RBFOX1: variants seen among roughly 807,000 people sequenced by gnomAD.
RBFOX1 encodes RNA binding fox-1 homolog 1.
Under a neutral mutation model 57.7 loss-of-function variants are expected in RBFOX1, and 8 were observed. That is an observed-to-expected ratio of 0.14 (90% confidence interval 0.08 to 0.25). RBFOX1 has a LOEUF of 0.25. Ranked by LOEUF, RBFOX1 falls within the 10% of genes least tolerant of loss-of-function variation. The pLI is 1.00. For synonymous variants in RBFOX1, 326 were observed against 222.4 expected (o/e 1.47, Z -4.15); for missense variants, 611 against 548.5 (o/e 1.11, Z -1.14).
chr16:5,455,280 C>T (rs1275499703), intron 1 of RBFOX1, among the ~76,000 whole-genome samples: 8 of 151,964 alleles, frequency 5.3e-5, no homozygotes, highest in African/African-American at 1.9e-4. Flanking sequence ...AACACAGTGG[C>T]ATGTTTCCAA....
chr16:7,322,768 T>C (rs2096562368), intron 4 of RBFOX1, among the ~76,000 whole-genome samples: 1 of 152,078 alleles, frequency 6.6e-6, no homozygotes, highest in Non-Finnish European at 1.5e-5. Flanking sequence ...GCCCTTGAGG[T>C]GGAGATGATG....
chr16:6,282,097 T>C (rs1446492984), intron 1 of RBFOX1, among the ~76,000 whole-genome samples: 1 of 152,168 alleles, frequency 6.6e-6, no homozygotes, highest in African/African-American at 2.4e-5. Flanking sequence ...AGTTCTGAAT[T>C]AAAGGTATCA....
At chr16:7,359,702 G>T (rs1157044812) in intron 4 of RBFOX1, among the ~76,000 whole-genome samples, 1 of 152,008 alleles carries the variant, frequency 6.6e-6, no homozygotes, top group Non-Finnish European at 1.5e-5. Context: ...TAACCACTCT[G>T]GACCTGGCAT....
At chr16:5,872,812 A>C (rs2057510157) in intron 4 of RBFOX1, among the ~76,000 whole-genome samples, 1 of 152,216 alleles carries the variant, frequency 6.6e-6, no homozygotes, top group Non-Finnish European at 1.5e-5. Context: ...TTCAACAATT[A>C]GTATTTTGCT....
intron 1 of RBFOX1, among the ~76,000 whole-genome samples, chr16:6,040,444 G>T (rs2095423749): frequency 6.6e-6 from 1 of 152,148 alleles, no homozygotes. Flanking sequence ...TCTCAAATAA[G>T]TGGAATCATG....
chr16:6,994,096 G>T (rs974492606), intron 3 of RBFOX1, among the ~76,000 whole-genome samples: 1 of 152,124 alleles, frequency 6.6e-6, no homozygotes, highest in East Asian at 1.9e-4. Context: ...GCTGACATCT[G>T]TTGAAATGAT....
intron 2 of RBFOX1, among the ~76,000 whole-genome samples, chr16:5,581,569 G>A (rs1393235372): frequency 6.6e-6 from 1 of 152,196 alleles, no homozygotes; most frequent in African/African-American, 2.4e-5. Flanking sequence ...GCAAGAGCAT[G>A]TTACAGGAGT....
intron 3 of RBFOX1, among the ~76,000 whole-genome samples, chr16:6,915,708 GC>G: frequency 2.0e-5 from 3 of 151,824 alleles, no homozygotes; most frequent in African/African-American, 7.3e-5. Context: ...GCACCACCAT[GC>G]CTGACTAAAT....
At chr16:5,591,991 C>T (rs1001653963) in intron 2 of RBFOX1, among the ~76,000 whole-genome samples, 4 of 152,142 alleles carry the variant, frequency 2.6e-5, no homozygotes, top group Non-Finnish European at 4.4e-5. Context: ...TTATAATTTC[C>T]ATGCTTTATT....
Position 7,441,446 on chromosome 16 carries a change from G to A in RBFOX1, c.28-76701G>A, listed in dbSNP as rs190035718. 1.7e-3 allele frequency among the ~76,000 whole-genome samples: 266 copies of A among 152,260 alleles called. 1 individual carries two copies. The highest frequency in any genetic ancestry group is 5.9e-3 in the African/African-American group (247 of 41,548). ...CCTCCCATTACAGAAGAGCAGAGAT[G>A]GGACTCTAGGGATTCATGGATGTGC... On this transcript the variant is annotated intron_variant, in intron 4 of 15. Coordinates refer to ENST00000550418, the MANE Select transcript of RBFOX1 (RefSeq NM_018723.4).
chr16:7,231,738 T>C (rs7192240), intron 4 of RBFOX1, among the ~76,000 whole-genome samples: 1 of 151,966 alleles, frequency 6.6e-6, no homozygotes, highest in East Asian at 1.9e-4. Context: ...AAGGAGCTAC[T>C]GTTACATGCT....
At chr16:6,810,894 C>G (rs142169526) in intron 3 of RBFOX1, among the ~76,000 whole-genome samples, 119 of 152,252 alleles carry the variant, frequency 7.8e-4, no homozygotes, top group African/African-American at 2.6e-3. Context: ...GGTTCAAGAG[C>G]TGATTTGGGT....
At position 6,430,816 on chromosome 16, in the gene RBFOX1, T is replaced by G. The variant is rs1026464274; in HGVS notation, c.-64+113759T>G. Among the ~76,000 whole-genome samples, 3 of 151,896 alleles carry G rather than the reference T, an allele frequency of 2.0e-5. No individual in the cohort carries two copies. In the South Asian group the frequency reaches 6.2e-4, roughly 32 times the overall value. On this transcript the variant is annotated intron_variant, in intron 2 of 15. Transcript: ENST00000550418. ...GATGATAAGTCAGTGGATACAAGATTAAAGGCAGGGAGACTAGTCAAGAAG... is the reference window on the plus strand; with the variant it reads ...GATGATAAGTCAGTGGATACAAGATGAAAGGCAGGGAGACTAGTCAAGAAG...
intron 5 of RBFOX1, among the ~76,000 whole-genome samples, chr16:7,574,894 C>T (rs1457140435): frequency 6.6e-6 from 1 of 152,170 alleles, no homozygotes; most frequent in Non-Finnish European, 1.5e-5. Context: ...GAACTTCGTG[C>T]TGCCTGAAGT....
chr16:7,093,571 C>T (rs901158968), intron 4 of RBFOX1, among the ~76,000 whole-genome samples: 1 of 152,158 alleles, frequency 6.6e-6, no homozygotes, highest in Non-Finnish European at 1.5e-5. Flanking sequence ...CCCTCATGAA[C>T]ATCTCAAACT....
At chr16:7,462,216 G>C (rs372989816) in intron 4 of RBFOX1, among the ~76,000 whole-genome samples, 1 of 152,246 alleles carries the variant, frequency 6.6e-6, no homozygotes. Context: ...GATTGCATTT[G>C]TTGCTGTTTT....
At chr16:6,488,595 C>T (rs1257861839) in intron 2 of RBFOX1, among the ~76,000 whole-genome samples, 1 of 152,126 alleles carries the variant, frequency 6.6e-6, no homozygotes, top group Non-Finnish European at 1.5e-5. Context: ...GCAAATTTTT[C>T]TGATTCCAAT....
intron 2 of RBFOX1, among the ~76,000 whole-genome samples, chr16:6,647,459 G>A (rs930317177): frequency 9.9e-5 from 15 of 152,050 alleles, no homozygotes; most frequent in Admixed American, 6.6e-4. Context: ...TGTTGGCCAC[G>A]TTGGTCTTGA....
chr16:7,051,971 T>C (rs2050237772), intron 3 of RBFOX1, 86 bp from the exon 4 acceptor site: 1 of 1,543,726 alleles, frequency 6.5e-7, no homozygotes, highest in African/African-American at 1.4e-5. Context: ...TTGAGCTGAG[T>C]AATTAAAAGT....
Sources: allele counts gnomAD v4.1 joint callset (sites outside exome capture counted in the v4.1 genomes callset), GRCh38; gene constraint gnomAD v4.1.1; transcripts MANE v1.5; gene names NCBI Gene and HGNC (gene_info 2026-07-23, HGNC 2026-07-21).